CPS1: variants seen among roughly 807,000 people sequenced by gnomAD.
CPS1 encodes the protein carbamoyl-phosphate synthase [ammonia], mitochondrial.
CPS1 carries 109 observed loss-of-function variants against 174.6 expected under a neutral mutation model. The ratio of observed to expected loss-of-function variants is 0.62; its 90% CI spans 0.53 to 0.73. CPS1 has a LOEUF of 0.73. Among genes scored for constraint, CPS1 ranks in the 30% least tolerant of loss-of-function variants. The pLI is 0.00. For synonymous variants in CPS1, 637 were observed against 632.0 expected (o/e 1.01, Z -0.12); for missense variants, 1,689 against 1,821.9 (o/e 0.93, Z 1.33).
rs1700715964 is a variant in CPS1, at chr2:210,656,594, C to T, written c.3628C>T (p.Leu1210=). The change falls in exon 30 of 38, where the codon CTG becomes TTG. Residue 1210 remains leucine, a synonymous_variant. Coordinates refer to ENST00000233072, the MANE Select transcript of CPS1 (RefSeq NM_001875.5). ...GVHSGDATLM[L]PTQTISQGAI... Reference sequence around the variant, plus strand: ...CCACTCGGGAGATGCCACTCTGATGCTGCCCACACAAACCATCAGCCAAGG... The same window carrying T: ...CCACTCGGGAGATGCCACTCTGATGTTGCCCACACAAACCATCAGCCAAGG... 6.2e-7 allele frequency: 1 copy of T among 1,609,940 alleles called. No homozygotes were observed. The highest frequency in any genetic ancestry group is 1.4e-5 in the African/African-American group (1 of 73,520).
intron 21 of CPS1, among the ~76,000 whole-genome samples, chr2:210,623,546 C>T (rs1029752654): frequency 8.6e-5 from 13 of 151,874 alleles, no homozygotes; most frequent in African/African-American, 1.5e-4. Context: ...AATTTCCATC[C>T]GAAATCACTA....
At chr2:210,519,802 C>G (rs868484318) in intron 1 of CPS1, 1 of 984,580 alleles carries the variant, frequency 1.0e-6, no homozygotes, top group Admixed American at 6.2e-5. Flanking sequence ...GCTTTGTTGG[C>G]GGGGAGGGCA....
At chr2:210,612,575 A>G (rs907812531) in intron 20 of CPS1, among the ~76,000 whole-genome samples, 1 of 151,920 alleles carries the variant, frequency 6.6e-6, no homozygotes, top group Non-Finnish European at 1.5e-5. Flanking sequence ...CTTTTTAAGT[A>G]TACTTAGTAC....
intron 4 of CPS1, among the ~76,000 whole-genome samples, chr2:210,578,989 T>C (rs994089744): frequency 5.9e-5 from 9 of 152,090 alleles, no homozygotes; most frequent in Non-Finnish European, 1.3e-4. Flanking sequence ...ACATGTAGAG[T>C]AGAAAAGAAT....
chr2:210,676,953 A>G, intron 36 of CPS1, 54 bp from the exon 37 acceptor site: 1 of 1,573,804 alleles, frequency 6.4e-7, no homozygotes, highest in East Asian at 2.2e-5. Flanking sequence ...AGTATTTTAT[A>G]AACTAACTAT....
At chr2:210,518,852 C>T (rs115412697) in intron 1 of CPS1, among the ~76,000 whole-genome samples, 2,124 of 152,070 alleles carry the variant, frequency 0.014, 25 homozygotes, top group Non-Finnish European at 0.022. Context: ...AGGTGGGTGA[C>T]CTGCAGGCCC....
upstream of CPS1, among the ~76,000 whole-genome samples, chr2:210,554,207 G>GTA (rs1374427521): frequency 1.7e-4 from 21 of 124,456 alleles, 1 homozygote; most frequent in Non-Finnish European, 2.1e-4. Flanking sequence ...ATATATGTAT[G>GTA]TATATATATA....
At chr2:210,524,702 T>C (rs540620744) in intron 1 of CPS1, among the ~76,000 whole-genome samples, 2 of 152,022 alleles carry the variant, frequency 1.3e-5, no homozygotes, top group Non-Finnish European at 1.5e-5. Flanking sequence ...CTCTGTTAGG[T>C]TGAGTAACAA....
chr2:210,607,394 C>T (rs543581041), intron 18 of CPS1, among the ~76,000 whole-genome samples: 7 of 151,928 alleles, frequency 4.6e-5, no homozygotes, highest in South Asian at 4.1e-4. Context: ...CTGAACAGTG[C>T]GGAATTTTTT....
At position 210,616,519 on chromosome 2, in the gene CPS1, A is replaced by G; in HGVS notation, c.2665A>G (p.Lys889Glu). ...YKMRDILNME[K>E]TLKGLNSESM... is the part of the protein sequence containing the mutation. ...GATGCGTGATATTTTAAACATGGAA[A>G]AGACACTGAAAGGCCTCAACAGGTA... The change falls in exon 21 of 38, where the codon AAG becomes GAG. Residue 889 changes from lysine to glutamate, a missense_variant. Lys to Glu is a moderately conservative substitution (Grantham distance 56). Coordinates refer to ENST00000233072, the MANE Select transcript of CPS1 (RefSeq NM_001875.5). 1 of 1,607,066 alleles carries G rather than the reference A, an allele frequency of 6.2e-7. No homozygotes were observed. Among genetic ancestry groups the G allele is most frequent in the Non-Finnish European group, 8.5e-7 (1 of 1,174,056 alleles).
At position 210,531,480 on chromosome 2, in the gene CPS1, A is replaced by G. The variant is rs1321328091; in HGVS notation, c.4-25239A>G. On this transcript the variant is annotated intron_variant, in intron 1 of 38. Coordinates refer to the CPS1 transcript ENST00000430249. ...CAATTGGGAACATTTTAATGAGGCA[A>G]TCCAACCCAAAGCTTTGCATTCAAG... is the stretch of plus-strand genomic sequence containing the variant. 3.3e-5 allele frequency among the ~76,000 whole-genome samples: 5 copies of G among 152,134 alleles called. No homozygotes were observed. The East Asian group carries it at 5.8e-4, about 18-fold the overall frequency.
chr2:210,495,574 T>C (rs1694972922), intron 1 of CPS1, among the ~76,000 whole-genome samples: 1 of 152,166 alleles, frequency 6.6e-6, no homozygotes, highest in African/African-American at 2.4e-5. Flanking sequence ...TCTCTAGCAA[T>C]GTGCAGACTG....
chr2:210,478,427 CTTTA>C (rs1694464529), intron 1 of CPS1, among the ~76,000 whole-genome samples: 1 of 152,084 alleles, frequency 6.6e-6, no homozygotes. Flanking sequence ...TTACCTGTTC[CTTTA>C]TTTATTTTTC....
rs774494894 is a variant in CPS1, at chr2:210,612,240, C to T, written c.2515C>T (p.Leu839Phe). Residue 839 changes from leucine to phenylalanine, a missense_variant, in exon 20 of 38, where the codon CTT becomes TTT. Leu to Phe is a conservative substitution (Grantham distance 22, BLOSUM62 0). Transcript: ENST00000233072. ...CAAAGAATGGCCATCTAATTTAGAT[C>T]TTAGAAAAGAGTTGTCTGAACCAAG... ...MNKEWPSNLD[L>F]RKELSEPSST... 3.1e-6 allele frequency: 5 copies of T among 1,612,186 alleles called. No homozygotes were observed. In the African/African-American group the frequency reaches 5.3e-5, roughly 17 times the overall value.
chr2:210,531,522 A>G (rs1696113837), intron 1 of CPS1, among the ~76,000 whole-genome samples: 1 of 152,110 alleles, frequency 6.6e-6, no homozygotes, highest in Non-Finnish European at 1.5e-5. Flanking sequence ...TTCAAATTTG[A>G]GGGGGTTATG....
chr2:210,587,948 A>G, intron 6 of CPS1, 110 bp from the exon 7 acceptor site: 2 of 967,454 alleles, frequency 2.1e-6, no homozygotes, highest in Middle Eastern at 2.1e-4. Flanking sequence ...GTAGTTAACA[A>G]TCAATCTGTT....
chr2:210,619,490 A>G (rs1195349084), intron 21 of CPS1: 1 of 152,114 alleles, frequency 6.6e-6, no homozygotes, highest in African/African-American at 2.4e-5. Flanking sequence ...TGTATTATAT[A>G]TTATGATTTT....
Position 210,676,991 on chromosome 2 carries a change from T to C in CPS1, c.4275-16T>C. The C allele has an allele frequency of 6.2e-7, 1 of 1,611,514 alleles. No individual in the cohort carries two copies. Among genetic ancestry groups the C allele is most frequent in the Non-Finnish European group, 8.5e-7 (1 of 1,177,698 alleles). ...AATATGCCTTGTTGTCTATAAGTTT[T>C]TGTTTATTTTTCCAGATTGATTAGA... On this transcript the variant is annotated splice_polypyrimidine_tract_variant and intron_variant, in intron 36 of 37. Transcript: ENST00000233072.
At chr2:210,495,757 G>A (rs1268677121) in intron 1 of CPS1, among the ~76,000 whole-genome samples, 1 of 152,160 alleles carries the variant, frequency 6.6e-6, no homozygotes, top group Non-Finnish European at 1.5e-5. Context: ...ATGAAGAAAA[G>A]TACTCAGTAG....
Sources: gnomAD v4.1 joint callset for allele counts (sites outside exome capture counted in the v4.1 genomes callset) on GRCh38, gnomAD v4.1.1 for gene constraint, MANE v1.5 for transcripts, NCBI Gene and HGNC (gene_info 2026-07-23, HGNC 2026-07-21) for gene names.